Variants in PDE4D observed in about 807,000 individuals in gnomAD.
PDE4D encodes the protein 3',5'-cyclic-AMP phosphodiesterase 4D.
A neutral mutation model predicts 87.4 loss-of-function variants in PDE4D; 24 were observed. That is an observed-to-expected ratio of 0.27 (90% confidence interval 0.20 to 0.39). The LOEUF (loss-of-function observed/expected upper bound fraction) is 0.39. Among genes scored for constraint, PDE4D ranks in the 10% least tolerant of loss-of-function variants. PDE4D has a pLI of 1.00. For missense variants in PDE4D, 714 were observed against 1,041.0 expected (o/e 0.69, Z 4.32); for synonymous variants, 384 against 383.2 (o/e 1.00, Z -0.02).
At chr5:60,232,590 G>A (rs565895730) in intron 1 of PDE4D, among the ~76,000 whole-genome samples, 52 of 151,870 alleles carry the variant, frequency 3.4e-4, no homozygotes, top group African/African-American at 1.2e-3. Flanking sequence ...CAATGAAAAA[G>A]GCTATAGATG....
intron 1 of PDE4D, among the ~76,000 whole-genome samples, chr5:59,724,073 A>G (rs1756244840): frequency 6.6e-6 from 1 of 152,026 alleles, no homozygotes; most frequent in African/African-American, 2.4e-5. Context: ...GGATTGAGGG[A>G]TGGTGATTTT....
Position 59,183,501 on chromosome 5 carries a change from T to C in PDE4D, c.758+1688A>G, listed in dbSNP as rs796579815. On this transcript the variant is annotated intron_variant, in intron 4 of 14. Transcript: ENST00000340635. The stretch of plus-strand genomic sequence containing the variant: ...AAATGCTGGTACCCAGGTGACCACA[T>C]GTAAAGGAAGCATAAAGGGAGTTTC... Among the ~76,000 whole-genome samples, 13 of 152,294 alleles carry C rather than the reference T, an allele frequency of 8.5e-5. 1 individual carries two copies. Among genetic ancestry groups the C allele is most frequent in the African/African-American group, 3.1e-4 (13 of 41,558 alleles).
At chr5:59,987,175 C>A (rs1159426446) in intron 3 of PDE4D, 7 of 152,140 alleles carry the variant, frequency 4.6e-5, no homozygotes, top group Non-Finnish European at 7.3e-5. Flanking sequence ...ATCTGTGAAT[C>A]TCTTCTACAC....
chr5:59,154,101 C>G lies in PDE4D; in HGVS notation c.808+26494G>C, dbSNP rs138554188. Among the ~76,000 whole-genome samples the G allele has an allele frequency of 1.6e-3, 236 of 151,882 alleles. 1 individual carries two copies. Among genetic ancestry groups the G allele is most frequent in the African/African-American group, 5.4e-3 (224 of 41,426 alleles). ...CTGGATAGGGGCTTTGGGTACCACA[C>G]GAAAGAGATCTGATTTTATCATGGA... is the stretch of plus-strand genomic sequence containing the variant. On this transcript the variant is annotated intron_variant, in intron 5 of 14. Transcript: ENST00000340635.
chr5:60,066,721 C>T (rs1331734329), intron 2 of PDE4D, among the ~76,000 whole-genome samples: 1 of 152,046 alleles, frequency 6.6e-6, no homozygotes, highest in South Asian at 2.1e-4. Context: ...AAGCATTACC[C>T]TGGCTTAGTC....
chr5:59,376,557 A>T (rs1784769345), intron 1 of PDE4D, among the ~76,000 whole-genome samples: 1 of 152,222 alleles, frequency 6.6e-6, no homozygotes. Context: ...ATAGAAAAAC[A>T]TTCCATGATC....
intron 1 of PDE4D, among the ~76,000 whole-genome samples, chr5:59,578,854 A>G (rs906659396): frequency 6.6e-6 from 1 of 152,126 alleles, no homozygotes; most frequent in African/African-American, 2.4e-5. Context: ...CTGTATCAGA[A>G]TATTTCCTTA....
chr5:59,300,174 T>G (rs888410741), intron 1 of PDE4D, among the ~76,000 whole-genome samples: 3 of 143,306 alleles, frequency 2.1e-5, no homozygotes, highest in African/African-American at 5.2e-5. Context: ...GCTTATTAAA[T>G]GAATGAAAAA....
intron 1 of PDE4D, among the ~76,000 whole-genome samples, chr5:59,514,895 A>G (rs72767801): frequency 0.18 from 27,634 of 152,218 alleles, 3,312 homozygotes; most frequent in Non-Finnish European, 0.26. Context: ...AGAATCCTCA[A>G]GGATTACATG....
intron 2 of PDE4D, among the ~76,000 whole-genome samples, chr5:60,179,007 C>T (rs1363180711): frequency 6.6e-6 from 1 of 152,144 alleles, no homozygotes. Flanking sequence ...GCTGCAAGTA[C>T]AGTCAAATCC....
chr5:59,407,745 A>C (rs531386564), intron 1 of PDE4D, among the ~76,000 whole-genome samples: 1 of 152,248 alleles, frequency 6.6e-6, no homozygotes, highest in Non-Finnish European at 1.5e-5. Flanking sequence ...GAACTTGGCT[A>C]CATTATATTC....
intron 2 of PDE4D, among the ~76,000 whole-genome samples, chr5:60,094,925 C>T (rs1182785876): frequency 1.3e-5 from 2 of 151,978 alleles, no homozygotes; most frequent in African/African-American, 4.8e-5. Context: ...CTTTATTTGT[C>T]TTCACCCTCA....
intron 1 of PDE4D, among the ~76,000 whole-genome samples, chr5:60,335,360 T>G (rs1757661957): frequency 1.3e-5 from 2 of 152,170 alleles, no homozygotes; most frequent in Admixed American, 6.5e-5. Flanking sequence ...TTGGTCAACA[T>G]TAAAGTTGAT....
At chr5:60,016,934 C>T (rs1765571772) in intron 2 of PDE4D, among the ~76,000 whole-genome samples, 1 of 152,026 alleles carries the variant, frequency 6.6e-6, no homozygotes. Flanking sequence ...TTTACTTTGC[C>T]CAGATCCTTT....
chr5:59,507,907 T>C (rs930203676), intron 1 of PDE4D, among the ~76,000 whole-genome samples: 4 of 152,126 alleles, frequency 2.6e-5, no homozygotes, highest in African/African-American at 9.7e-5. Flanking sequence ...CTTACATGGG[T>C]ATGTTATCTT....
At chr5:59,396,229 GA>G (rs1161700487) in intron 1 of PDE4D, among the ~76,000 whole-genome samples, 1 of 114,448 alleles carries the variant, frequency 8.7e-6, no homozygotes, top group Non-Finnish European at 1.8e-5. Context: ...GAAATACACA[GA>G]ACGCCACAAA....
At position 59,001,693 on chromosome 5, in the gene PDE4D, A is replaced by T. The variant is rs114056072; in HGVS notation, c.922-8228T>A. On this transcript the variant is annotated intron_variant, in intron 6 of 14. Coordinates refer to ENST00000340635, the MANE Select transcript of PDE4D (RefSeq NM_001104631.2). ...CCACAATCTTCAATGACCACTTCTAACTTGAACTTCAGTGCCATATTTCTG... is the reference window on the plus strand; with the variant it reads ...CCACAATCTTCAATGACCACTTCTATCTTGAACTTCAGTGCCATATTTCTG... Among the ~76,000 whole-genome samples, 1,305 of 152,244 alleles carry T rather than the reference A, an allele frequency of 8.6e-3. 7 individuals carry two copies. Among genetic ancestry groups the T allele is most frequent in the Non-Finnish European group, 0.014 (938 of 68,008 alleles).
chr5:59,416,010 C>G (rs575756403), intron 1 of PDE4D, among the ~76,000 whole-genome samples: 1 of 152,230 alleles, frequency 6.6e-6, no homozygotes, highest in East Asian at 1.9e-4. Flanking sequence ...AACTCTAAAT[C>G]TCTATTTTCG....
At chr5:59,878,577 T>G (rs922584869) in intron 1 of PDE4D, among the ~76,000 whole-genome samples, 11 of 152,176 alleles carry the variant, frequency 7.2e-5, no homozygotes, top group African/African-American at 2.7e-4. Context: ...CCTCCCAAAG[T>G]GCTGAGATTA....
Sources: allele counts gnomAD v4.1 joint callset (sites outside exome capture counted in the v4.1 genomes callset), GRCh38; gene constraint gnomAD v4.1.1; transcripts MANE v1.5; gene names NCBI Gene and HGNC (gene_info 2026-07-23, HGNC 2026-07-21).